Variants in ATP2B2 observed in about 807,000 individuals in gnomAD.
ATP2B2 encodes ATPase plasma membrane Ca2+ transporting 2.
Under a neutral mutation model 120.0 loss-of-function variants are expected in ATP2B2, and 15 were observed. The observed-to-expected ratio is 0.12, with a 90% CI of 0.08 to 0.19. ATP2B2 has a LOEUF of 0.19. ATP2B2 is among the 10% of genes least tolerant of loss of function. The probability of loss-of-function intolerance (pLI) is 1.00; values close to 1 mark genes in which losing one functional copy is unlikely to be tolerated. For synonymous variants in ATP2B2, 694 were observed against 700.3 expected, an observed-to-expected ratio of 0.99 and a Z score of 0.14; for missense variants, 1,045 against 1,719.8, an observed-to-expected ratio of 0.61 and a Z score of 6.94.
intron 1 of ATP2B2, among the ~76,000 whole-genome samples, chr3:10,632,130 A>G (rs2069881454): frequency 6.6e-6 from 1 of 152,210 alleles, no homozygotes; most frequent in Non-Finnish European, 1.5e-5. Flanking sequence ...CAGCCTGCAG[A>G]TGGTTTTTTG....
At position 10,375,692 on chromosome 3, in the gene ATP2B2, TG is replaced by T. The variant is rs1285707081; in HGVS notation, c.1202-49del. On this transcript the variant is annotated intron_variant, in intron 10 of 22. Coordinates refer to ENST00000360273, the MANE Select transcript of ATP2B2 (RefSeq NM_001001331.4). The surrounding 1 kb of genome is among the most constrained non-coding windows in gnomAD (Gnocchi z 4.2). ...TTGGGGGGTTCCAGGAAGTGGAGGC[TG>T]GGGGTGGTGTGGACCAAATCTTTGG... is the stretch of plus-strand genomic sequence containing the variant. 1.3e-6 allele frequency: 2 copies of T among 1,566,882 alleles called. No individual in the cohort carries two copies. The highest frequency in any genetic ancestry group is 1.8e-6 in the Non-Finnish European group (2 of 1,141,950).
intron 2 of ATP2B2, among the ~76,000 whole-genome samples, chr3:10,619,173 G>C (rs2069478393): frequency 6.6e-6 from 1 of 152,134 alleles, no homozygotes; most frequent in African/African-American, 2.4e-5. Context: ...TGTCTCCTAA[G>C]ACTTGTTTGT....
chr3:10,331,944 T>C, intron 22 of ATP2B2: 4 of 1,535,188 alleles, frequency 2.6e-6, no homozygotes, highest in Non-Finnish European at 3.5e-6. Context: ...CTGGGATTGA[T>C]TCACATTCAT....
chr3:10,335,220 T>C (rs556422355), intron 22 of ATP2B2, among the ~76,000 whole-genome samples: 8 of 152,338 alleles, frequency 5.3e-5, no homozygotes, highest in African/African-American at 1.7e-4. Flanking sequence ...CCTCTGGGCC[T>C]GCTGGCACCC....
intron 14 of ATP2B2, among the ~76,000 whole-genome samples, chr3:10,356,426 G>GA (rs1460383056): frequency 6.6e-6 from 1 of 152,194 alleles, no homozygotes; most frequent in Non-Finnish European, 1.5e-5. Context: ...AAGAAACAAA[G>GA]AAATAGAAGA....
intron 1 of ATP2B2, among the ~76,000 whole-genome samples, chr3:10,643,127 G>A (rs56330321): frequency 0.057 from 8,670 of 152,262 alleles, 287 homozygotes; most frequent in South Asian, 0.18. Flanking sequence ...GGACGCAAAC[G>A]CCAGCTTGTA....
In ATP2B2 at chr3:10,340,488, A is replaced by T; in HGVS notation, c.3129+5T>A. The T allele has an allele frequency of 6.2e-7, 1 of 1,614,076 alleles. No homozygotes were observed. Among genetic ancestry groups the T allele is most frequent in the Non-Finnish European group, 8.5e-7 (1 of 1,179,986 alleles). ...CGGGCCTGGTTAGGGTGGGGGCCTC[A>T]CTACCTGGATGGCAAAGGTGCCCAG... is the stretch of plus-strand genomic sequence containing the variant. On this transcript the variant is annotated splice_donor_5th_base_variant and intron_variant, in intron 20 of 22. Coordinates refer to ENST00000360273, the MANE Select transcript of ATP2B2 (RefSeq NM_001001331.4). This position sits in a 1 kb window ranked among gnomAD's most constrained non-coding sequence, Gnocchi z 5.0.
rs1476735053 is a variant in ATP2B2 at position 10,592,919 on chromosome 3, A to T, written c.-415+26998T>A. On this transcript the variant is annotated intron_variant, in intron 2 of 21. Coordinates refer to the ATP2B2 transcript ENST00000646379. ...CACCTCAGCCTCCTGAGTAGCTGGG[A>T]CTACAGGTATGCACCACCACCACGC... 2.0e-5 allele frequency among the ~76,000 whole-genome samples: 3 copies of T among 152,136 alleles called. No homozygotes were observed. The East Asian group carries it at 5.8e-4, about 29-fold the overall frequency.
intron 14 of ATP2B2, among the ~76,000 whole-genome samples, chr3:10,358,404 G>C (rs1476477975): frequency 2.0e-5 from 3 of 152,226 alleles, no homozygotes; most frequent in Admixed American, 2.0e-4. Context: ...GGACCAGAGG[G>C]AAGAGCTCAT....
chr3:10,695,652 G>C (rs987222995), intron 1 of ATP2B2, among the ~76,000 whole-genome samples: 1 of 152,162 alleles, frequency 6.6e-6, no homozygotes, highest in Non-Finnish European at 1.5e-5. Context: ...AACCAAGTGA[G>C]AGAGCCCGCC....
chr3:10,635,697 C>T lies in ATP2B2; in HGVS notation c.-459-15736G>A, dbSNP rs571954168. On this transcript the variant is annotated intron_variant, in intron 1 of 21. Transcript: ENST00000646379. This position sits in a 1 kb window ranked among gnomAD's most constrained non-coding sequence, Gnocchi z 4.3. The stretch of plus-strand genomic sequence containing the variant: ...CAGCATCCTCAGGCCTCCTTCCATA[C>T]AGCCCTGTGCCTGCCTGACCAGGAT... Among the ~76,000 whole-genome samples the T allele has an allele frequency of 6.6e-6, 1 of 152,344 alleles. No individual in the cohort carries two copies. Among genetic ancestry groups the T allele is most frequent in the East Asian group, 1.9e-4 (1 of 5,186 alleles).
intron 7 of ATP2B2, 82 bp from the exon 8 acceptor site, chr3:10,385,409 G>C (rs1229524013): frequency 8.0e-7 from 1 of 1,250,028 alleles, no homozygotes. Flanking sequence ...CCAACTTGTG[G>C]GGAGATAACA....
intron 1 of ATP2B2, among the ~76,000 whole-genome samples, chr3:10,623,540 G>A (rs1195663366): frequency 6.8e-6 from 1 of 147,198 alleles, no homozygotes; most frequent in Non-Finnish European, 1.5e-5. Context: ...GGCAATCAGG[G>A]AGGCTTCATT....
intron 1 of ATP2B2, among the ~76,000 whole-genome samples, chr3:10,694,893 CTGTGCAA>C (rs2071718824): frequency 6.6e-6 from 1 of 152,140 alleles, no homozygotes; most frequent in Non-Finnish European, 1.5e-5. Flanking sequence ...ATTTTGGCAG[CTGTGCAA>C]ACTGAAGGTC....
intron 6 of ATP2B2, among the ~76,000 whole-genome samples, chr3:10,387,333 C>T (rs1001023402): frequency 2.6e-5 from 4 of 152,210 alleles, no homozygotes; most frequent in South Asian, 2.1e-4. Flanking sequence ...TCTTCAGTCT[C>T]GACCTAAGCT....
At chr3:10,417,470 C>T (rs759542783) in intron 2 of ATP2B2, among the ~76,000 whole-genome samples, 6 of 152,212 alleles carry the variant, frequency 3.9e-5, no homozygotes, top group East Asian at 1.9e-4. Context: ...AGAAGCTGGA[C>T]GGCCCACAAT....
At chr3:10,664,268 C>A (rs1358591314) in intron 1 of ATP2B2, among the ~76,000 whole-genome samples, 5 of 152,038 alleles carry the variant, frequency 3.3e-5, no homozygotes, top group Non-Finnish European at 5.9e-5. Flanking sequence ...AAACCACTTC[C>A]TGGAAGCCCC....
chr3:10,351,286 G>C (rs1339898847), intron 14 of ATP2B2, among the ~76,000 whole-genome samples: 1 of 152,134 alleles, frequency 6.6e-6, no homozygotes, highest in Non-Finnish European at 1.5e-5. Context: ...CAGAGCTGAG[G>C]GTTTCCCCGA....
intron 12 of ATP2B2, among the ~76,000 whole-genome samples, chr3:10,365,342 G>A (rs1379948287): frequency 6.6e-6 from 1 of 152,184 alleles, no homozygotes; most frequent in Non-Finnish European, 1.5e-5. Context: ...GTGGGGTGCT[G>A]CCAACAGGAC....
Sources: allele counts gnomAD v4.1 joint callset (sites outside exome capture counted in the v4.1 genomes callset), GRCh38; gene constraint gnomAD v4.1.1; non-coding constraint Gnocchi (gnomAD v3.1); transcripts MANE v1.5; gene names NCBI Gene and HGNC (gene_info 2026-07-23, HGNC 2026-07-21).